ATP2B2: variants seen among roughly 807,000 people sequenced by gnomAD.
ATP2B2 encodes the protein ATPase plasma membrane Ca2+ transporting 2.
Under a neutral mutation model 120.0 loss-of-function variants are expected in ATP2B2, and 15 were observed. That is an observed-to-expected ratio of 0.12 (90% CI 0.08 to 0.19). ATP2B2 has a LOEUF of 0.19. Among genes scored for constraint, ATP2B2 ranks in the 10% least tolerant of loss-of-function variants. The pLI is 1.00. For synonymous variants in ATP2B2, 694 were observed against 700.3 expected, an observed-to-expected ratio of 0.99 and a Z score of 0.14; for missense variants, 1,045 against 1,719.8, an observed-to-expected ratio of 0.61 and a Z score of 6.94.
chr3:10,436,372 C>T (rs114317655), intron 2 of ATP2B2, among the ~76,000 whole-genome samples: 2,982 of 152,278 alleles, frequency 0.02, 42 homozygotes, highest in South Asian at 0.05. Flanking sequence ...TGTGCGGCTG[C>T]GCCTCTCGTC....
chr3:10,491,267 C>T (rs1443049884), intron 1 of ATP2B2, among the ~76,000 whole-genome samples: 1 of 150,260 alleles, frequency 6.7e-6, no homozygotes, highest in Non-Finnish European at 1.5e-5. Context: ...CTCTTGTCAC[C>T]CAGGCTGGAG....
intron 2 of ATP2B2, among the ~76,000 whole-genome samples, chr3:10,611,914 G>T (rs1251019642): frequency 6.6e-6 from 1 of 152,170 alleles, no homozygotes. Flanking sequence ...GTACACAGAA[G>T]ATGCTCAACA....
At chr3:10,643,013 A>G (rs1289069439) in intron 1 of ATP2B2, among the ~76,000 whole-genome samples, 1 of 152,204 alleles carries the variant, frequency 6.6e-6, no homozygotes, top group African/African-American at 2.4e-5. Flanking sequence ...AGGATGAGCC[A>G]GGAACATCTT....
chr3:10,531,415 A>G (rs997275671), intron 3 of ATP2B2, among the ~76,000 whole-genome samples: 1 of 152,114 alleles, frequency 6.6e-6, no homozygotes. Context: ...TCAAATCCCA[A>G]CTCGGGTGGG....
intron 1 of ATP2B2, among the ~76,000 whole-genome samples, chr3:10,646,011 G>C (rs1229870214): frequency 6.6e-6 from 1 of 152,160 alleles, no homozygotes; most frequent in African/African-American, 2.4e-5. Flanking sequence ...CATGCAGCCT[G>C]GCTAGTTGGC....
At chr3:10,334,819 T>A (rs1174578093) in intron 22 of ATP2B2, among the ~76,000 whole-genome samples, 1 of 131,840 alleles carries the variant, frequency 7.6e-6, no homozygotes, top group Non-Finnish European at 1.7e-5. Context: ...GCTGCAGGGG[T>A]TGTGTTGTGG....
chr3:10,467,265 A>C (rs1274488063), intron 1 of ATP2B2, among the ~76,000 whole-genome samples: 1 of 152,242 alleles, frequency 6.6e-6, no homozygotes, highest in Non-Finnish European at 1.5e-5. Flanking sequence ...AATAATAAAA[A>C]ACCAACTCAG....
At chr3:10,651,677 G>A (rs1410778132) in intron 1 of ATP2B2, among the ~76,000 whole-genome samples, 1 of 151,958 alleles carries the variant, frequency 6.6e-6, no homozygotes, top group Non-Finnish European at 1.5e-5. Flanking sequence ...TGAATGGCTG[G>A]GTGGTAGATG....
intron 5 of ATP2B2, among the ~76,000 whole-genome samples, chr3:10,392,991 G>GC (rs2061906089): frequency 6.6e-6 from 1 of 152,190 alleles, no homozygotes; most frequent in African/African-American, 2.4e-5. Context: ...ACCAGATGGC[G>GC]CCCCCCTTCC....
intron 2 of ATP2B2, among the ~76,000 whole-genome samples, chr3:10,617,571 G>A (rs539906949): frequency 1.3e-5 from 2 of 152,328 alleles, no homozygotes; most frequent in East Asian, 1.9e-4. Context: ...CAAAGGGGTG[G>A]AGTCACCCAC....
chr3:10,332,700 C>T (rs1472393784), intron 22 of ATP2B2, among the ~76,000 whole-genome samples: 3 of 152,128 alleles, frequency 2.0e-5, no homozygotes, highest in Non-Finnish European at 2.9e-5. Context: ...TCCTGGGAAG[C>T]GGTGTGACTA....
At chr3:10,488,507 G>GTTCC (rs142106223) in intron 1 of ATP2B2, among the ~76,000 whole-genome samples, 59 of 95,228 alleles carry the variant, frequency 6.2e-4, no homozygotes, top group South Asian at 8.4e-4. Context: ...TCCTTCCTTC[G>GTTCC]TTCCTTCCTT....
chr3:10,367,129 C>G lies in ATP2B2; in HGVS notation c.1659+4680G>C, dbSNP rs558958921. Among the ~76,000 whole-genome samples, 23 of 152,228 alleles carry G rather than the reference C, an allele frequency of 1.5e-4. No homozygotes were observed. The East Asian group carries it at 4.5e-3, about 30-fold the overall frequency. On this transcript the variant is annotated intron_variant, in intron 12 of 22. Coordinates refer to ENST00000360273, the MANE Select transcript of ATP2B2 (RefSeq NM_001001331.4). Reference sequence around the variant, plus strand: ...GGGGCTTATTTGCTACCACTGGCTCCCCCCATTTCTCCCAGCCTCACCTCT... The same window carrying G: ...GGGGCTTATTTGCTACCACTGGCTCGCCCCATTTCTCCCAGCCTCACCTCT...
intron 2 of ATP2B2, among the ~76,000 whole-genome samples, chr3:10,613,437 TG>T (rs1355071504): frequency 2.0e-5 from 3 of 151,972 alleles, no homozygotes; most frequent in African/African-American, 7.3e-5. Flanking sequence ...TCCTGGTAGT[TG>T]GCATCTAAGT....
At chr3:10,335,899 C>T (rs1007690934) in intron 22 of ATP2B2, among the ~76,000 whole-genome samples, 1 of 152,176 alleles carries the variant, frequency 6.6e-6, no homozygotes, top group African/African-American at 2.4e-5. Flanking sequence ...TTTTTGGCCA[C>T]TTGGGACCCT....
At chr3:10,512,479 C>G (rs557771561) in intron 3 of ATP2B2, among the ~76,000 whole-genome samples, 143 of 74,796 alleles carry the variant, frequency 1.9e-3, no homozygotes, top group African/African-American at 5.7e-3. Context: ...CACACACACA[C>G]ACACACACAC....
Position 10,340,448 on chromosome 3 carries a change from G to T in ATP2B2, c.3129+45C>A, listed in dbSNP as rs375469053. ...AGGGTCCTGCCCAGGGGCTCCAGCC[G>T]CTTGCTGCCCACCCCGGGCCTGGTT... On this transcript the variant is annotated intron_variant, in intron 20 of 22. Transcript: ENST00000360273. This position sits in a 1 kb window ranked among gnomAD's most constrained non-coding sequence, Gnocchi z 5.0. 4 of 1,613,894 alleles carry T rather than the reference G, an allele frequency of 2.5e-6. No homozygotes were observed. The highest frequency in any genetic ancestry group is 3.4e-6 in the Non-Finnish European group (4 of 1,179,798).
chr3:10,388,450 T>A, intron 5 of ATP2B2, 48 bp from the exon 6 acceptor site: 1 of 1,613,500 alleles, frequency 6.2e-7, no homozygotes, highest in Non-Finnish European at 8.5e-7. Flanking sequence ...GTTGAAGCCG[T>A]CTCCCCAAAG....
At chr3:10,698,154 A>C (rs1389271691) in intron 1 of ATP2B2, among the ~76,000 whole-genome samples, 1 of 152,214 alleles carries the variant, frequency 6.6e-6, no homozygotes, top group Non-Finnish European at 1.5e-5. Flanking sequence ...TGATTGGTTT[A>C]GGCATGGCCA....
Sources: gnomAD v4.1 joint callset for allele counts (sites outside exome capture counted in the v4.1 genomes callset) on GRCh38, gnomAD v4.1.1 for gene constraint, Gnocchi (gnomAD v3.1) non-coding constraint, MANE v1.5 for transcripts, NCBI Gene and HGNC (gene_info 2026-07-23, HGNC 2026-07-21) for gene names.